SYNJ2BP: variants seen among roughly 807,000 people sequenced by gnomAD.
SYNJ2BP encodes synaptojanin 2 binding protein.
In SYNJ2BP, 10 loss-of-function variants were observed where a neutral mutation model predicts 16.9. The ratio of observed to expected loss-of-function variants is 0.59; its 90% CI spans 0.36 to 1.00. The LOEUF is 1.00. Ranked by LOEUF, SYNJ2BP falls within the 50% of genes least tolerant of loss-of-function variation. The probability of loss-of-function intolerance (pLI) is 0.01; values close to 1 mark genes in which losing one functional copy is unlikely to be tolerated. For missense variants in SYNJ2BP, 162 were observed against 186.7 expected, an observed-to-expected ratio of 0.87 and a Z score of 0.77; for synonymous variants, 54 against 68.4, an observed-to-expected ratio of 0.79 and a Z score of 1.04.
At chr14:70,377,919 A>G (rs1887668050) in intron 2 of SYNJ2BP, among the ~76,000 whole-genome samples, 1 of 152,112 alleles carries the variant, frequency 6.6e-6, no homozygotes, top group Non-Finnish European at 1.5e-5. Flanking sequence ...CACTACCTCT[A>G]TTTCTTCAGC....
In SYNJ2BP at chr14:70,370,148, A is replaced by G. The variant is rs1887486536; in HGVS notation, c.*2843T>C. On this transcript the variant is annotated 3_prime_UTR_variant, in exon 4 of 4. Transcript: ENST00000256366. ...ATCAACCAAAGCAAAACTTCTACCA[A>G]CGACAGAATGGATACTTTTTAAACA... The G allele has an allele frequency of 6.6e-6, 1 of 152,188 alleles. No individual in the cohort carries two copies. Among genetic ancestry groups the G allele is most frequent in the African/African-American group, 2.4e-5 (1 of 41,448 alleles). 9.4% of individuals were successfully genotyped at this position (152,188 alleles called of 1,614,324 possible). A position where few individuals can be genotyped will look rare whatever the true frequency, so the allele number is the denominator to read the frequency against.
intron 2 of SYNJ2BP, among the ~76,000 whole-genome samples, chr14:70,386,733 G>T (rs924626215): frequency 6.6e-6 from 1 of 152,192 alleles, no homozygotes; most frequent in African/African-American, 2.4e-5. Context: ...CAACTAAGAA[G>T]AGCAAGAGAT....
In SYNJ2BP at chr14:70,402,666, TAA is replaced by T. The variant is rs34370869; in HGVS notation, c.65-14062_65-14061del. On this transcript the variant is annotated intron_variant, in intron 1 of 3. Transcript: ENST00000256366. ...TGGGTAACATAATGAAAGCCTGCTT[TAA>T]AAAAAAAAAAAGAAAGAAATTTTTA... is the stretch of plus-strand genomic sequence containing the variant. Among the ~76,000 whole-genome samples the T allele has an allele frequency of 4.1e-3, 603 of 146,080 alleles. 3 individuals are homozygous for T. Among genetic ancestry groups the T allele is most frequent in the Non-Finnish European group, 6.5e-3 (434 of 66,550 alleles).
chr14:70,387,697 G>A (rs2140831883), intron 2 of SYNJ2BP, among the ~76,000 whole-genome samples: 1 of 152,186 alleles, frequency 6.6e-6, no homozygotes, highest in African/African-American at 2.4e-5. Flanking sequence ...TGGGCGTAGT[G>A]GCAGGGGCCT....
intron 1 of SYNJ2BP, among the ~76,000 whole-genome samples, chr14:70,406,616 T>TCAG (rs555621355): frequency 6.4e-4 from 98 of 152,288 alleles, no homozygotes; most frequent in African/African-American, 2.3e-3. Flanking sequence ...AAACCTAAGA[T>TCAG]CAGTGCTTCT....
chr14:70,380,642 A>C (rs1488655204), intron 2 of SYNJ2BP, among the ~76,000 whole-genome samples: 2 of 146,530 alleles, frequency 1.4e-5, no homozygotes, highest in Middle Eastern at 3.5e-3. Context: ...AGCCTGGGCA[A>C]CAGAGCAAGA....
At chr14:70,395,424 A>G (rs1888067949) in intron 1 of SYNJ2BP, among the ~76,000 whole-genome samples, 2 of 152,156 alleles carry the variant, frequency 1.3e-5, no homozygotes, top group Non-Finnish European at 2.9e-5. Context: ...CTTTCCCAAG[A>G]TCAATCCGAC....
intron 2 of SYNJ2BP, among the ~76,000 whole-genome samples, chr14:70,385,919 T>G (rs565007966): frequency 3.9e-5 from 6 of 152,216 alleles, no homozygotes; most frequent in African/African-American, 1.4e-4. Flanking sequence ...GCCCACCTCA[T>G]AGGATTACTA....
chr14:70,368,150 A>AT lies in SYNJ2BP; in HGVS notation c.*4840dup, dbSNP rs1339957215. ...TTACACAATAAAAACAATGTCCACC[A>AT]TAAAAAAAAAAGTCTCTAGAACTAT... On this transcript the variant is annotated 3_prime_UTR_variant, in exon 4 of 4. Coordinates refer to ENST00000256366, the MANE Select transcript of SYNJ2BP (RefSeq NM_018373.3). The AT allele has an allele frequency of 6.6e-6, 1 of 151,376 alleles. No homozygotes were observed. The highest frequency in any genetic ancestry group is 1.5e-5 in the Non-Finnish European group (1 of 68,002). 9.4% of individuals were successfully genotyped at this position (151,376 alleles called of 1,614,324 possible).
intron 1 of SYNJ2BP, among the ~76,000 whole-genome samples, chr14:70,407,010 C>T (rs1888359686): frequency 6.6e-6 from 1 of 152,200 alleles, no homozygotes. Flanking sequence ...GAATGTGAAT[C>T]ATGCCTCAAA....
chr14:70,373,120 C>G lies in SYNJ2BP; in HGVS notation c.309G>C (p.Gln103His), dbSNP rs748471527. 4 of 1,613,716 alleles carry G rather than the reference C, an allele frequency of 2.5e-6. No homozygotes were observed. In the Admixed American group the frequency reaches 5.0e-5, roughly 20 times the overall value. Reference protein sequence around the residue: ...SLRVQHRLQVQNGPIGHRGEG... With the variant: ...SLRVQHRLQVHNGPIGHRGEG... ...CACCTCGATGTCCTATAGGTCCATTCTGCACCTGTAACTGGAAGGGAAAGA... is the reference window on the plus strand; with the variant it reads ...CACCTCGATGTCCTATAGGTCCATTGTGCACCTGTAACTGGAAGGGAAAGA... The change falls in exon 4 of 4, where the codon CAG becomes CAC. Residue 103 changes from glutamine to histidine, a missense_variant. Physicochemically the swap from Gln to His is conservative, Grantham distance 24. Transcript: ENST00000256366.
At chr14:70,390,717 C>T (rs1594949963) in intron 1 of SYNJ2BP, among the ~76,000 whole-genome samples, 1 of 151,896 alleles carries the variant, frequency 6.6e-6, no homozygotes, top group South Asian at 2.1e-4. Context: ...AAAGTTCTCC[C>T]CATTGGTGGG....
At chr14:70,408,209 T>C (rs1243194263) in intron 1 of SYNJ2BP, among the ~76,000 whole-genome samples, 1 of 151,830 alleles carries the variant, frequency 6.6e-6, no homozygotes, top group African/African-American at 2.4e-5. Context: ...CCCATATCCC[T>C]GAAATTACTG....
At chr14:70,398,452 A>G (rs1029711116) in intron 1 of SYNJ2BP, among the ~76,000 whole-genome samples, 1 of 152,164 alleles carries the variant, frequency 6.6e-6, no homozygotes, top group African/African-American at 2.4e-5. Flanking sequence ...GATTCCCCTC[A>G]TGCTTGTTGG....
chr14:70,373,189 G>A (rs1363025530), intron 3 of SYNJ2BP, 58 bp from the exon 4 acceptor site: 51 of 1,597,652 alleles, frequency 3.2e-5, no homozygotes, highest in Middle Eastern at 1.7e-4. Flanking sequence ...CAACTGAAAC[G>A]CCCAGGTTGA....
At chr14:70,384,230 A>T (rs907959959) in intron 2 of SYNJ2BP, among the ~76,000 whole-genome samples, 1 of 152,260 alleles carries the variant, frequency 6.6e-6, no homozygotes, top group African/African-American at 2.4e-5. Flanking sequence ...TAAAATAGGT[A>T]TGTGCTAAGG....
Position 70,386,694 on chromosome 14 carries a change from T to G in SYNJ2BP, c.201+1776A>C, listed in dbSNP as rs978322855. Among the ~76,000 whole-genome samples, 38 of 152,338 alleles carry G rather than the reference T, an allele frequency of 2.5e-4. 1 individual carries two copies. Among genetic ancestry groups the G allele is most frequent in the Admixed American group, 1.6e-3 (25 of 15,308 alleles). ...TTCAGGTTCTGCTACCAAATGGGCT[T>G]CATGGCAGAGAGGTGTTCAATAAGC... On this transcript the variant is annotated intron_variant, in intron 2 of 3. Coordinates refer to ENST00000256366, the MANE Select transcript of SYNJ2BP (RefSeq NM_018373.3).
In SYNJ2BP at chr14:70,388,569, C is replaced by T. The variant is rs1026122157; in HGVS notation, c.102G>A (p.Gln34=). 1.3e-6 allele frequency: 2 copies of T among 1,587,256 alleles called. No individual in the cohort carries two copies. Among genetic ancestry groups the T allele is most frequent in the Non-Finnish European group, 1.7e-6 (2 of 1,167,456 alleles). ...AGATGCCACTGTCGTTGGAGACATA[C>T]TGCTGATCTGTCCCACCGACGATGT... ...GFNIVGGTDQ[Q]YVSNDSGIYV... Residue 34 remains glutamine (Q), a synonymous_variant, in exon 2 of 4, where the codon CAG becomes CAA. Coordinates refer to ENST00000256366, the MANE Select transcript of SYNJ2BP (RefSeq NM_018373.3).
intron 1 of SYNJ2BP, among the ~76,000 whole-genome samples, chr14:70,394,794 G>A (rs573388323): frequency 1.3e-5 from 2 of 152,210 alleles, no homozygotes; most frequent in African/African-American, 4.8e-5. Flanking sequence ...CAAATAATAT[G>A]CTATGTACTT....
Sources: allele counts gnomAD v4.1 joint callset (sites outside exome capture counted in the v4.1 genomes callset), GRCh38; gene constraint gnomAD v4.1.1; transcripts MANE v1.5; gene names NCBI Gene and HGNC (gene_info 2026-07-23, HGNC 2026-07-21).